Variants in AREL1 observed in about 807,000 individuals in gnomAD.
AREL1 encodes apoptosis-resistant E3 ubiquitin protein ligase 1.
A neutral mutation model predicts 99.0 loss-of-function variants in AREL1; 62 were observed. The observed-to-expected ratio is 0.63, with a 90% CI of 0.51 to 0.77. The LOEUF (loss-of-function observed/expected upper bound fraction) is 0.77, where lower values mean the gene tolerates loss of function less well. AREL1 is among the 30% of genes least tolerant of loss of function. The probability of loss-of-function intolerance (pLI) is 0.00; values close to 1 mark genes in which losing one functional copy is unlikely to be tolerated. For synonymous variants in AREL1, 380 were observed against 376.5 expected (o/e 1.01, Z -0.11); for missense variants, 879 against 1,027.6 (o/e 0.86, Z 1.98).
At chr14:74,683,126 G>C (rs1262510430) in intron 5 of AREL1, among the ~76,000 whole-genome samples, 170 bp downstream of exon 5, 1 of 152,114 alleles carries the variant, frequency 6.6e-6, no homozygotes, top group Non-Finnish European at 1.5e-5. Flanking sequence ...AAAATCGACT[G>C]TGATGATGGC....
chr14:74,688,105 A>C (rs2089789176), intron 2 of AREL1, among the ~76,000 whole-genome samples: 2 of 145,650 alleles, frequency 1.4e-5, no homozygotes, highest in Non-Finnish European at 3.0e-5. Flanking sequence ...GGCTCACTGA[A>C]AGCTCTGCCT....
chr14:74,702,281 G>A (rs1431440696), intron 1 of AREL1, among the ~76,000 whole-genome samples: 1 of 152,216 alleles, frequency 6.6e-6, no homozygotes, highest in Non-Finnish European at 1.5e-5. Flanking sequence ...GCAGACTTCT[G>A]CCTGAACATT....
rs909076444 is a variant in AREL1 at position 74,661,518 on chromosome 14, T to C, written c.*2202A>G. On this transcript the variant is annotated 3_prime_UTR_variant, in exon 20 of 20. Coordinates refer to ENST00000356357, the MANE Select transcript of AREL1 (RefSeq NM_001039479.2). ...AACTGGCCAAAATAAGAAACACTAATAGAAAATTGCCCAAGAAATAACACT... is the reference window on the plus strand; with the variant it reads ...AACTGGCCAAAATAAGAAACACTAACAGAAAATTGCCCAAGAAATAACACT... 9 of 276,654 alleles carry C rather than the reference T, an allele frequency of 3.3e-5. No individual in the cohort carries two copies. Among genetic ancestry groups the C allele is most frequent in the African/African-American group, 9.1e-5 (4 of 43,872 alleles). The allele number at this position is 276,654 out of a possible 1,614,324, so 17.1% of individuals were successfully genotyped here.
At chr14:74,708,837 T>C (rs2090230588) in intron 1 of AREL1, among the ~76,000 whole-genome samples, 2 of 152,228 alleles carry the variant, frequency 1.3e-5, no homozygotes, top group Admixed American at 6.5e-5. Flanking sequence ...CTATTTAGTT[T>C]CTAATAGCTA....
At chr14:74,709,733 T>C (rs1341288993) in intron 1 of AREL1, among the ~76,000 whole-genome samples, 2 of 152,172 alleles carry the variant, frequency 1.3e-5, no homozygotes, top group Non-Finnish European at 2.9e-5. Context: ...AAAAGTCCTA[T>C]CATGTAAGTC....
intron 1 of AREL1, among the ~76,000 whole-genome samples, chr14:74,696,216 T>C (rs1394147414): frequency 1.3e-5 from 2 of 152,186 alleles, no homozygotes; most frequent in Non-Finnish European, 2.9e-5. Flanking sequence ...CTACCTTATA[T>C]AAACAAATAC....
At chr14:74,679,246 A>C (rs1300476050) in intron 5 of AREL1, among the ~76,000 whole-genome samples, 1 of 152,174 alleles carries the variant, frequency 6.6e-6, no homozygotes, top group Non-Finnish European at 1.5e-5. Flanking sequence ...AACATGGCAA[A>C]GCCCCATCTC....
intron 5 of AREL1, among the ~76,000 whole-genome samples, chr14:74,677,222 C>T (rs1208623909): frequency 2.6e-5 from 4 of 150,950 alleles, no homozygotes; most frequent in Non-Finnish European, 4.4e-5. Flanking sequence ...AGGCCAGGTG[C>T]GGTGGCTCAC....
In AREL1 at chr14:74,712,940, G is replaced by C. The variant is rs1335683880; in HGVS notation, c.-341C>G. On this transcript the variant is annotated 5_prime_UTR_variant, in exon 1 of 20. Coordinates refer to ENST00000356357, the MANE Select transcript of AREL1 (RefSeq NM_001039479.2). ...GCTGGAGAGAAACGTTACCCGAGCC[G>C]GGGGTTGCAGCGCGACGAAGTTCCA... is the stretch of plus-strand genomic sequence containing the variant. 2.9e-6 allele frequency: 2 copies of C among 685,260 alleles called. No individual in the cohort carries two copies. Among genetic ancestry groups the C allele is most frequent in the East Asian group, 5.7e-5 (2 of 35,374 alleles). The allele number at this position is 685,260 out of a possible 1,614,324, so 42.4% of individuals were successfully genotyped here.
At chr14:74,688,215 C>T (rs1332701670) in intron 2 of AREL1, among the ~76,000 whole-genome samples, 5 of 151,552 alleles carry the variant, frequency 3.3e-5, no homozygotes, top group African/African-American at 4.9e-5. Context: ...TTGGTAGAGA[C>T]GAGGTTTCAC....
At chr14:74,708,554 T>C (rs1022150410) in intron 1 of AREL1, among the ~76,000 whole-genome samples, 1 of 152,168 alleles carries the variant, frequency 6.6e-6, no homozygotes, top group Non-Finnish European at 1.5e-5. Flanking sequence ...AATAACATGC[T>C]CTGGGTCTCT....
chr14:74,681,637 G>C (rs567681830), intron 5 of AREL1, among the ~76,000 whole-genome samples: 1 of 152,186 alleles, frequency 6.6e-6, no homozygotes, highest in East Asian at 1.9e-4. Context: ...GCTGGGCGTG[G>C]TGGCACGTGC....
intron 5 of AREL1, among the ~76,000 whole-genome samples, chr14:74,677,300 A>T (rs569020220): frequency 1.3e-5 from 2 of 151,874 alleles, no homozygotes; most frequent in Admixed American, 1.3e-4. Flanking sequence ...AAGAAGTTCA[A>T]GACCAGCTTG....
chr14:74,698,907 C>A, intron 1 of AREL1: 1 of 160,814 alleles, frequency 6.2e-6, no homozygotes, highest in South Asian at 1.3e-4. Context: ...ACCTATGGTC[C>A]CAGCTACTCA....
rs756935842 is a variant in AREL1, at chr14:74,674,087, G to A, written c.1105C>T (p.Leu369=). Residue 369 remains leucine, a synonymous_variant, in exon 9 of 20, where the codon CTG becomes TTG. Coordinates refer to ENST00000356357, the MANE Select transcript of AREL1 (RefSeq NM_001039479.2). The part of the protein sequence containing the change: ...PKQFSVKEFY[L]KIIPWRLYTF... Reference sequence around the variant, plus strand: ...TAAAGGCGCCAGGGGATGATCTTCAGGTAGAACTCCTTCACTGAGAATTGC... The same window carrying A: ...TAAAGGCGCCAGGGGATGATCTTCAAGTAGAACTCCTTCACTGAGAATTGC... 2 of 1,613,768 alleles carry A rather than the reference G, an allele frequency of 1.2e-6. No individual in the cohort carries two copies. Among genetic ancestry groups the A allele is most frequent in the Non-Finnish European group, 1.7e-6 (2 of 1,179,754 alleles).
chr14:74,694,970 T>C (rs540920005), intron 1 of AREL1, among the ~76,000 whole-genome samples: 6 of 120,088 alleles, frequency 5.0e-5, no homozygotes, highest in East Asian at 2.3e-4. Flanking sequence ...GCCTGGGCGA[T>C]AGAGTGAGAC....
At chr14:74,678,124 G>T in intron 5 of AREL1, 1 of 441,466 alleles carries the variant, frequency 2.3e-6, no homozygotes, top group South Asian at 1.6e-5. Flanking sequence ...AAAGGCAAAG[G>T]AACTAGAATA....
intron 1 of AREL1, among the ~76,000 whole-genome samples, chr14:74,705,274 G>A (rs1288301114): frequency 6.6e-6 from 1 of 152,136 alleles, no homozygotes; most frequent in African/African-American, 2.4e-5. Flanking sequence ...CCCGACCTCA[G>A]GTGATTCGCC....
chr14:74,685,743 C>A, intron 2 of AREL1, 83 bp from the exon 3 acceptor site: 1 of 1,249,770 alleles, frequency 8.0e-7, no homozygotes, highest in South Asian at 1.3e-5. Flanking sequence ...GAGTGTATGG[C>A]GTGAGCCAAA....
Sources: allele counts gnomAD v4.1 joint callset (sites outside exome capture counted in the v4.1 genomes callset), GRCh38; gene constraint gnomAD v4.1.1; transcripts MANE v1.5; gene names NCBI Gene and HGNC (gene_info 2026-07-23, HGNC 2026-07-21).